Variants in CCDC7 observed in about 807,000 individuals in gnomAD.
CCDC7 encodes coiled-coil domain-containing protein 7.
Under a neutral mutation model 196.9 loss-of-function variants are expected in CCDC7, and 183 were observed. The ratio of observed to expected loss-of-function variants is 0.93; its 90% CI spans 0.82 to 1.05. The LOEUF (loss-of-function observed/expected upper bound fraction) is 1.05. Ranked by LOEUF, CCDC7 falls within the 50% of genes least tolerant of loss-of-function variation. The pLI, the probability that CCDC7 is intolerant of heterozygous loss-of-function variation, is 0.00. For missense variants in CCDC7, 1,540 were observed against 1,482.2 expected, an observed-to-expected ratio of 1.04 and a Z score of -0.64; for synonymous variants, 525 against 484.6, an observed-to-expected ratio of 1.08 and a Z score of -1.10.
intron 13 of CCDC7, among the ~76,000 whole-genome samples, chr10:32,552,302 C>G (rs1039188637): frequency 6.6e-6 from 1 of 152,104 alleles, no homozygotes; most frequent in Non-Finnish European, 1.5e-5. Flanking sequence ...TATGTGTTAG[C>G]GAGTCTCCTG....
intron 18 of CCDC7, among the ~76,000 whole-genome samples, chr10:32,621,262 A>G (rs1468993323): frequency 6.6e-6 from 1 of 152,150 alleles, no homozygotes; most frequent in Non-Finnish European, 1.5e-5. Context: ...TTCCATTACC[A>G]TCTCTTGAAG....
intron 21 of CCDC7, among the ~76,000 whole-genome samples, chr10:32,668,761 G>T (rs1047461544): frequency 1.3e-5 from 2 of 152,124 alleles, no homozygotes; most frequent in Admixed American, 1.3e-4. Context: ...TGTGCTGCTG[G>T]AATCGGTTTG....
intron 28 of CCDC7, among the ~76,000 whole-genome samples, chr10:32,777,067 C>T (rs911522957): frequency 1.8e-4 from 28 of 152,144 alleles, no homozygotes; most frequent in South Asian, 6.2e-4. Flanking sequence ...TTTTAGTATT[C>T]CACAGTCTCT....
chr10:32,486,079 C>T (rs1010232455), intron 8 of CCDC7, among the ~76,000 whole-genome samples: 3 of 152,164 alleles, frequency 2.0e-5, no homozygotes, highest in Non-Finnish European at 4.4e-5. Context: ...TTTGATCTGT[C>T]TAATGTTGAC....
rs189384115 is a variant in CCDC7 at position 32,845,544 on chromosome 10, G to T, written c.3438G>T (p.Lys1146Asn). The T allele has an allele frequency of 1.5e-5, 24 of 1,606,084 alleles. No individual in the cohort carries two copies. In the Admixed American group the frequency reaches 3.2e-4, roughly 21 times the overall value. The change falls in exon 35 of 42, where the codon AAG (lysine) becomes AAT (asparagine). Residue 1146 changes from lysine (K) to asparagine (N), a missense_variant and splice_region_variant. Physicochemically the swap from Lys to Asn is moderately conservative, Grantham distance 94. Transcript: ENST00000639629. Reference sequence around the variant, plus strand: ...CTGAAATCTGTTTTATTTCTATAGAGACTGATAAGAACTTCTTTGCCTATG... The same window carrying T: ...CTGAAATCTGTTTTATTTCTATAGATACTGATAAGAACTTCTTTGCCTATG...
intron 20 of CCDC7, among the ~76,000 whole-genome samples, chr10:32,635,398 T>C (rs1468191826): frequency 6.6e-6 from 1 of 152,230 alleles, no homozygotes; most frequent in Non-Finnish European, 1.5e-5. Context: ...GACATTTTAT[T>C]ATTAATGTAC....
chr10:32,842,707 C>A (rs1436490321), intron 33 of CCDC7, among the ~76,000 whole-genome samples: 2 of 151,906 alleles, frequency 1.3e-5, no homozygotes, highest in Non-Finnish European at 2.9e-5. Context: ...GCCCATCAAT[C>A]AATGAATGGA....
intron 21 of CCDC7, among the ~76,000 whole-genome samples, chr10:32,685,210 A>T (rs200737108): frequency 4.4e-4 from 64 of 144,424 alleles, no homozygotes; most frequent in East Asian, 1.2e-3. Flanking sequence ...TCTTTTTTGG[A>T]TTTTTTTTTT....
intron 21 of CCDC7, among the ~76,000 whole-genome samples, chr10:32,677,074 A>G (rs1333340171): frequency 3.3e-5 from 5 of 151,440 alleles, no homozygotes; most frequent in Non-Finnish European, 7.4e-5. Context: ...AGGGACATGG[A>G]TGAAATTGGA....
rs574501113 is a variant in CCDC7, at chr10:32,708,945, A to G, written c.2459-2675A>G. On this transcript the variant is annotated intron_variant, in intron 24 of 41. Coordinates refer to ENST00000639629, the Ensembl canonical transcript of CCDC7. ...TCAAGCATCTAGAACTAGAAATACC[A>G]TTTGACCCAGCACTCCCATTACTGG... is the stretch of plus-strand genomic sequence containing the variant. Among the ~76,000 whole-genome samples, 4 of 152,352 alleles carry G rather than the reference A, an allele frequency of 2.6e-5. No individual in the cohort carries two copies. The South Asian group carries it at 6.2e-4, about 24-fold the overall frequency.
intron 18 of CCDC7, among the ~76,000 whole-genome samples, chr10:32,624,918 T>G (rs912016055): frequency 6.6e-6 from 1 of 151,844 alleles, no homozygotes; most frequent in Non-Finnish European, 1.5e-5. Context: ...CTTATCAAAT[T>G]TATGGTTTCT....
At chr10:32,690,955 A>G (rs1354547722) in intron 23 of CCDC7, among the ~76,000 whole-genome samples, 1 of 152,240 alleles carries the variant, frequency 6.6e-6, no homozygotes, top group Non-Finnish European at 1.5e-5. Context: ...ATGCAAAACC[A>G]GAGAGCATTA....
intron 33 of CCDC7, among the ~76,000 whole-genome samples, chr10:32,835,694 A>T (rs2092548297): frequency 6.6e-6 from 1 of 151,992 alleles, no homozygotes; most frequent in South Asian, 2.1e-4. Flanking sequence ...AGAGTGGAGG[A>T]TGAAAGAGGG....
intron 9 of CCDC7, among the ~76,000 whole-genome samples, chr10:32,508,153 A>G (rs1328726106): frequency 1.3e-5 from 2 of 152,212 alleles, no homozygotes; most frequent in Non-Finnish European, 2.9e-5. Flanking sequence ...CACCCCCATC[A>G]AATATAGAAT....
At chr10:32,475,284 C>A (rs2038760432) in intron 8 of CCDC7, among the ~76,000 whole-genome samples, 2 of 152,218 alleles carry the variant, frequency 1.3e-5, no homozygotes, top group African/African-American at 4.8e-5. Flanking sequence ...TTCTAGACAG[C>A]AAACTGGGGT....
At chr10:32,476,931 G>A (rs1015247924) in intron 8 of CCDC7, among the ~76,000 whole-genome samples, 1 of 152,076 alleles carries the variant, frequency 6.6e-6, no homozygotes, top group Non-Finnish European at 1.5e-5. Context: ...AGTTTTAAGA[G>A]TTCTTTTTAT....
At chr10:32,714,282 C>A (rs1004509815) in intron 25 of CCDC7, among the ~76,000 whole-genome samples, 9 of 152,060 alleles carry the variant, frequency 5.9e-5, no homozygotes, top group African/African-American at 2.2e-4. Flanking sequence ...ATTGCCTCAC[C>A]CAGGAAGTGC....
chr10:32,512,462 C>T (rs1187766372), intron 9 of CCDC7: 1 of 152,150 alleles, frequency 6.6e-6, no homozygotes, highest in Non-Finnish European at 1.5e-5. Context: ...ATGGCAAATT[C>T]ACATTCGTGA....
chr10:32,845,851 A>G, intron 35 of CCDC7, 25 bp from the exon 37 acceptor site: 1 of 1,537,650 alleles, frequency 6.5e-7, no homozygotes, highest in Non-Finnish European at 9.0e-7. Flanking sequence ...TATAAAATAT[A>G]TTGAAATCTG....
Sources: gnomAD v4.1 joint callset for allele counts (sites outside exome capture counted in the v4.1 genomes callset) on GRCh38, gnomAD v4.1.1 for gene constraint, MANE v1.5 for transcripts, NCBI Gene and HGNC (gene_info 2026-07-23, HGNC 2026-07-21) for gene names.